The following PTER variants were observed in gnomAD, a reference collection of about 807,000 sequenced individuals.
The protein encoded by PTER is N-acetyltaurine hydrolase.
In PTER, 38 loss-of-function variants were observed where a neutral mutation model predicts 29.6. That is an observed-to-expected ratio of 1.28 (90% CI 0.99 to 1.68). The LOEUF (loss-of-function observed/expected upper bound fraction) is 1.68. Ranked by LOEUF, PTER falls within the 40% of genes most tolerant of loss-of-function variation. PTER has a pLI of 0.00. For synonymous variants in PTER, 172 were observed against 154.5 expected, an observed-to-expected ratio of 1.11 and a Z score of -0.84; for missense variants, 482 against 427.8, an observed-to-expected ratio of 1.13 and a Z score of -1.12.
chr10:16,486,656 A>G lies in PTER; in HGVS notation c.698+39A>G, dbSNP rs111305256. ...CTTACAAATGGATGCAAACTGCCAT[A>G]TAATTAATGCATGATCAAATTAAGA... is the stretch of plus-strand genomic sequence containing the variant. On this transcript the variant is annotated intron_variant, in intron 3 of 4. Transcript: ENST00000535784. The G allele has an allele frequency of 3.0e-3, 4,661 of 1,568,636 alleles. 113 individuals are homozygous for G. The African/African-American group carries it at 0.053, about 18-fold the overall frequency.
intron 1 of PTER, among the ~76,000 whole-genome samples, chr10:16,471,207 C>G (rs1835040785): frequency 6.6e-6 from 1 of 152,152 alleles, no homozygotes; most frequent in Non-Finnish European, 1.5e-5. Flanking sequence ...AATATCAAGT[C>G]TCAGGCAAGA....
intron 1 of PTER, among the ~76,000 whole-genome samples, chr10:16,462,382 T>G (rs1380020610): frequency 1.3e-5 from 2 of 152,112 alleles, no homozygotes; most frequent in Non-Finnish European, 2.9e-5. Context: ...TTATAAGAAG[T>G]ACAGTTGGTT....
rs111775154 is a variant in PTER at position 16,473,295 on chromosome 10, G to A, written c.-48-11042G>A. 2.6e-5 allele frequency among the ~76,000 whole-genome samples: 4 copies of A among 151,824 alleles called. No individual in the cohort carries two copies. In the East Asian group the frequency reaches 5.8e-4, roughly 22 times the overall value. On this transcript the variant is annotated intron_variant, in intron 1 of 4. Coordinates refer to ENST00000535784, the MANE Select transcript of PTER (RefSeq NM_001261836.2). Reference sequence around the variant, plus strand: ...TGAAGTCAAAGGAAGATAAATCCACGCAGTGCTGGAATATACTGTGGAACC... The same window carrying A: ...TGAAGTCAAAGGAAGATAAATCCACACAGTGCTGGAATATACTGTGGAACC...
chr10:16,459,466 T>G (rs1834527067), intron 1 of PTER, among the ~76,000 whole-genome samples: 1 of 152,228 alleles, frequency 6.6e-6, no homozygotes, highest in Admixed American at 6.5e-5. Context: ...GGCTCTAATT[T>G]GTTCTCAAAC....
At chr10:16,497,600 T>A (rs1836161995) in intron 3 of PTER, among the ~76,000 whole-genome samples, 1 of 152,214 alleles carries the variant, frequency 6.6e-6, no homozygotes, top group Non-Finnish European at 1.5e-5. Flanking sequence ...TATTTGAAAC[T>A]GTAAAGCCCA....
At chr10:16,484,238 A>G (rs1048249295) in intron 1 of PTER, 99 bp from the exon 2 acceptor site, 7 of 710,504 alleles carry the variant, frequency 9.9e-6, no homozygotes, top group Middle Eastern at 3.0e-4. Flanking sequence ...GCCTTCTTAC[A>G]TGGGTATATG....
At chr10:16,466,931 A>G (rs1235592919) in intron 1 of PTER, among the ~76,000 whole-genome samples, 2 of 152,196 alleles carry the variant, frequency 1.3e-5, no homozygotes, top group Non-Finnish European at 2.9e-5. Flanking sequence ...ACTTCTTATA[A>G]AGGAAGACCT....
intron 4 of PTER, among the ~76,000 whole-genome samples, chr10:16,505,715 A>G (rs566897126): frequency 7.2e-5 from 11 of 152,354 alleles, no homozygotes; most frequent in Admixed American, 6.5e-4. Context: ...AATCAAGTAG[A>G]AAATTTTAGG....
chr10:16,507,458 G>A (rs945844896), intron 4 of PTER, among the ~76,000 whole-genome samples: 2 of 152,096 alleles, frequency 1.3e-5, no homozygotes, highest in African/African-American at 2.4e-5. Context: ...ATTGAGAAGT[G>A]ATGTCCAGGA....
At chr10:16,481,124 C>T (rs762816175) in intron 1 of PTER, among the ~76,000 whole-genome samples, 2 of 152,204 alleles carry the variant, frequency 1.3e-5, no homozygotes, top group African/African-American at 2.4e-5. Flanking sequence ...GTTCAAATTT[C>T]ACATTTGAAG....
At chr10:16,486,208 C>T in intron 2 of PTER, 144 bp from the exon 3 acceptor site, 1 of 979,754 alleles carries the variant, frequency 1.0e-6, no homozygotes, top group Non-Finnish European at 1.4e-6. Flanking sequence ...TGCCTTTTTC[C>T]TTGGCCAATA....
intron 4 of PTER, among the ~76,000 whole-genome samples, chr10:16,510,264 G>C (rs1049100350): frequency 2.0e-5 from 3 of 152,278 alleles, no homozygotes; most frequent in African/African-American, 7.2e-5. Context: ...ATTTAACAAA[G>C]CAAAGAGGAT....
Position 16,497,475 on chromosome 10 carries a change from C to T in PTER, c.699-7545C>T, listed in dbSNP as rs545291796. 1.1e-3 allele frequency among the ~76,000 whole-genome samples: 170 copies of T among 152,276 alleles called. 2 individuals are homozygous for T. The highest frequency in any genetic ancestry group is 4.6e-4 in the Non-Finnish European group (31 of 68,026). ...GAGACAGCATCTTAAATTTCTTATT[C>T]GTGTCTATATTCCTAACACAGAGAA... is the stretch of plus-strand genomic sequence containing the variant. On this transcript the variant is annotated intron_variant, in intron 3 of 4. Transcript: ENST00000535784.
intron 1 of PTER, among the ~76,000 whole-genome samples, chr10:16,473,007 G>C (rs980257234): frequency 2.7e-5 from 4 of 146,792 alleles, no homozygotes; most frequent in African/African-American, 1.0e-4. Context: ...CAATTTCCTT[G>C]CAAACTTCAA....
At chr10:16,491,407 G>C (rs1174147917) in intron 3 of PTER, among the ~76,000 whole-genome samples, 1 of 152,208 alleles carries the variant, frequency 6.6e-6, no homozygotes, top group Non-Finnish European at 1.5e-5. Context: ...CCATGCTGAA[G>C]TTTGACTGGG....
chr10:16,447,762 G>C lies in PTER; in HGVS notation c.-49+10715G>C, dbSNP rs991421923. 1.1e-4 allele frequency among the ~76,000 whole-genome samples: 16 copies of C among 152,164 alleles called. 1 individual carries two copies. The highest frequency in any genetic ancestry group is 8.5e-4 in the Admixed American group (13 of 15,288). ...TATATTCATGCCTGCATATTGTGCAGAACCACCTGTGAACCAGATCCTAGT... is the reference window on the plus strand; with the variant it reads ...TATATTCATGCCTGCATATTGTGCACAACCACCTGTGAACCAGATCCTAGT... On this transcript the variant is annotated intron_variant, in intron 1 of 4. Coordinates refer to ENST00000535784, the MANE Select transcript of PTER (RefSeq NM_001261836.2).
intron 1 of PTER, among the ~76,000 whole-genome samples, chr10:16,464,788 C>G (rs1375879821): frequency 6.6e-6 from 1 of 152,186 alleles, no homozygotes; most frequent in Non-Finnish European, 1.5e-5. Context: ...TGCTTTGTAC[C>G]TGTATCCATC....
intron 4 of PTER, among the ~76,000 whole-genome samples, chr10:16,507,589 T>C (rs1836625518): frequency 6.6e-6 from 1 of 152,240 alleles, no homozygotes; most frequent in Non-Finnish European, 1.5e-5. Flanking sequence ...CATTTACGTC[T>C]GTATGCCTTC....
At chr10:16,496,134 G>A (rs988782491) in intron 3 of PTER, among the ~76,000 whole-genome samples, 1 of 152,096 alleles carries the variant, frequency 6.6e-6, no homozygotes, top group Admixed American at 6.6e-5. Flanking sequence ...CCACTCCTCT[G>A]GTGTTCTCTG....
Sources: allele counts gnomAD v4.1 joint callset (sites outside exome capture counted in the v4.1 genomes callset), GRCh38; gene constraint gnomAD v4.1.1; transcripts MANE v1.5; gene names NCBI Gene and HGNC (gene_info 2026-07-23, HGNC 2026-07-21).